The following NBPF20 variants were observed in gnomAD, a reference collection of about 807,000 sequenced individuals.
NBPF20 encodes NBPF family member NBPF20.
In NBPF20, 90 loss-of-function variants were observed where a neutral mutation model predicts 68.1. That is an observed-to-expected ratio of 1.32 (90% CI 1.11 to 1.58). The LOEUF (loss-of-function observed/expected upper bound fraction) is 1.58. NBPF20 is among the 40% of genes most tolerant of loss of function. The pLI is 0.00. For missense variants in NBPF20, 816 were observed against 601.2 expected, an observed-to-expected ratio of 1.36 and a Z score of -3.74; for synonymous variants, 290 against 228.1, an observed-to-expected ratio of 1.27 and a Z score of -2.45.
intron 109 of NBPF20, among the ~76,000 whole-genome samples, chr1:145,314,399 TA>T (rs1661522209): frequency 1.4e-5 from 1 of 69,924 alleles, no homozygotes; most frequent in Non-Finnish European, 2.6e-5. Flanking sequence ...TAATTTTCCA[TA>T]AAATGTGCTC....
the NBPF20 span, among the ~76,000 whole-genome samples, chr1:145,422,949 C>T: frequency 4.4e-5 from 6 of 135,490 alleles, no homozygotes; most frequent in East Asian, 4.4e-4. Context: ...GATCCTGCCA[C>T]GGCACTCTAG....
chr1:145,402,527 G>A (rs1662571638), intron 3 of NBPF20, 146 bp from the exon 9 acceptor site: 2 of 718,550 alleles, frequency 2.8e-6, no homozygotes, highest in Non-Finnish European at 5.0e-6. Context: ...CTGTGGCCAA[G>A]AGAAAGAATA....
upstream of NBPF20, among the ~76,000 whole-genome samples, chr1:145,410,100 T>A (rs1160792957): frequency 6.6e-6 from 1 of 152,034 alleles, no homozygotes; most frequent in African/African-American, 2.4e-5. Context: ...TTTAAGAAAC[T>A]GTTAGATTTT....
chr1:145,402,617 C>T (rs1662576099), intron 3 of NBPF20, among the ~76,000 whole-genome samples: 1 of 151,678 alleles, frequency 6.6e-6, no homozygotes, highest in Admixed American at 6.6e-5. Flanking sequence ...TCTTTCCCTT[C>T]TGTAAACAAA....
At chr1:145,298,371 GACACAC>G (rs1194170645) in intron 129 of NBPF20, among the ~76,000 whole-genome samples, 1 of 139,020 alleles carries the variant, frequency 7.2e-6, no homozygotes, top group Non-Finnish European at 1.5e-5. Context: ...CACACACACA[GACACAC>G]ACACACACAC....
chr1:145,293,271 G>A, exon 136 of NBPF20: 1 of 50,348 alleles, frequency 2.0e-5, no homozygotes, highest in Non-Finnish European at 3.7e-5. Flanking sequence ...CATAGGGCTG[G>A]CAGGAGTCAG....
At chr1:145,393,464 C>G (rs1553662693) in intron 9 of NBPF20, among the ~76,000 whole-genome samples, 779 of 124,524 alleles carry the variant, frequency 6.3e-3, no homozygotes, top group Middle Eastern at 0.014. Context: ...CACAAACACA[C>G]ACACACACAC....
chr1:145,307,241 C>T (rs1265032095), intron 118 of NBPF20, among the ~76,000 whole-genome samples: 5 of 22,096 alleles, frequency 2.3e-4, no homozygotes, highest in Non-Finnish European at 3.5e-4. Context: ...GTGCTGAGAG[C>T]GGGCTCAGCT....
chr1:145,397,339 G>T (rs1285709917), intron 7 of NBPF20, among the ~76,000 whole-genome samples: 1 of 152,184 alleles, frequency 6.6e-6, no homozygotes, highest in Non-Finnish European at 1.5e-5. Flanking sequence ...CTGAGGAATT[G>T]TCACACTGCC....
the NBPF20 span, among the ~76,000 whole-genome samples, chr1:145,419,061 G>A: frequency 7.2e-6 from 1 of 139,054 alleles, no homozygotes; most frequent in Admixed American, 7.4e-5. Flanking sequence ...TGGAGGGAGG[G>A]AAGGAAGGAG....
chr1:145,419,872 C>G, the NBPF20 span, among the ~76,000 whole-genome samples: 3 of 152,144 alleles, frequency 2.0e-5, no homozygotes, highest in African/African-American at 7.2e-5. Context: ...TCCTGGGGAA[C>G]CAAGAATTCC....
intron 8 of NBPF20, among the ~76,000 whole-genome samples, chr1:145,394,720 C>T (rs1662129944): frequency 6.6e-6 from 1 of 151,854 alleles, no homozygotes. Context: ...CCACACCTGC[C>T]TTGAGTTCAA....
intron 61 of NBPF20, among the ~76,000 whole-genome samples, chr1:145,352,423 C>G (rs1661665573): frequency 6.0e-5 from 1 of 16,700 alleles, no homozygotes; most frequent in Non-Finnish European, 1.1e-4. Flanking sequence ...TTAGTGCCCT[C>G]AGGACACACA....
rs1163822895 is a variant in NBPF20, at chr1:145,309,497, C to G, written c.13938-249G>C. Among the ~76,000 whole-genome samples, 43 of 77,146 alleles carry G rather than the reference C, an allele frequency of 5.6e-4. 4 individuals carry two copies. Among genetic ancestry groups the G allele is most frequent in the South Asian group, 1.5e-3 (3 of 2,056 alleles). The allele number at this position is 77,146 out of a possible 152,430, so 50.6% of individuals were successfully genotyped here. A position where few individuals can be genotyped will look rare whatever the true frequency, so the allele number is the denominator to read the frequency against. ...ACACACACAGACACACACACACACA[C>G]AGAGAGAGAGAACGAGCTCAGTGAA... On this transcript the variant is annotated intron_variant, in intron 115 of 137. Transcript: ENST00000369373.
At chr1:145,417,621 C>CAA in the NBPF20 span, among the ~76,000 whole-genome samples, 369 of 53,112 alleles carry the variant, frequency 6.9e-3, 3 homozygotes, top group South Asian at 0.019. Context: ...CAACACAAAG[C>CAA]AAAAAAAAAA....
chr1:145,394,410 G>C (rs1662112123), intron 8 of NBPF20, among the ~76,000 whole-genome samples: 2 of 152,000 alleles, frequency 1.3e-5, no homozygotes, highest in Admixed American at 1.3e-4. Context: ...TGGCTTTTGT[G>C]GGTGAAAAGT....
At chr1:145,409,456 C>G (rs1553668484), upstream of NBPF20, among the ~76,000 whole-genome samples, 1 of 150,966 alleles carries the variant, frequency 6.6e-6, no homozygotes, top group Non-Finnish European at 1.5e-5. Context: ...AGCCAGTGCC[C>G]TTATACAAAG....
chr1:145,413,455 T>C, the NBPF20 span, among the ~76,000 whole-genome samples: 1 of 152,034 alleles, frequency 6.6e-6, no homozygotes. Flanking sequence ...CTGTGATACA[T>C]TCATTCCATG....
chr1:145,291,262 T>C (rs1334030620), exon 138 of NBPF20: 20 of 601,402 alleles, frequency 3.3e-5, no homozygotes, highest in Non-Finnish European at 4.9e-5. Flanking sequence ...TACCCAGAGA[T>C]ACGTGGTTCA....
Sources: allele counts gnomAD v4.1 joint callset (sites outside exome capture counted in the v4.1 genomes callset), GRCh38; gene constraint gnomAD v4.1.1; transcripts MANE v1.5; gene names NCBI Gene and HGNC (gene_info 2026-07-23, HGNC 2026-07-21).